TENM4: variants seen among roughly 807,000 people sequenced by gnomAD.
TENM4 encodes the protein teneurin transmembrane protein 4.
TENM4 carries 82 observed loss-of-function variants against 243.3 expected under a neutral mutation model. That is an observed-to-expected ratio of 0.34 (90% CI 0.28 to 0.40). The LOEUF (loss-of-function observed/expected upper bound fraction) is 0.40. TENM4 is among the 10% of genes least tolerant of loss of function. The probability of loss-of-function intolerance (pLI) is 1.00; values close to 1 mark genes in which losing one functional copy is unlikely to be tolerated. For synonymous variants in TENM4, 1,412 were observed against 1,456.3 expected, an observed-to-expected ratio of 0.97 and a Z score of 0.69; for missense variants, 3,138 against 3,673.3, an observed-to-expected ratio of 0.85 and a Z score of 3.77.
chr11:79,326,002 G>C (rs114780595), intron 1 of TENM4, among the ~76,000 whole-genome samples: 1 of 152,154 alleles, frequency 6.6e-6, no homozygotes, highest in Non-Finnish European at 1.5e-5. Flanking sequence ...CTCTGCGTGC[G>C]TCTCCTGTTC....
intron 1 of TENM4, among the ~76,000 whole-genome samples, chr11:79,322,567 G>A (rs567304761): frequency 6.6e-6 from 1 of 152,052 alleles, no homozygotes; most frequent in South Asian, 2.1e-4. Context: ...CAGTTAAAAG[G>A]AATTCTACAC....
chr11:79,291,646 G>C (rs1856359533), intron 2 of TENM4, among the ~76,000 whole-genome samples: 1 of 152,182 alleles, frequency 6.6e-6, no homozygotes. Flanking sequence ...GGCCGAGGGG[G>C]TGGAAGTGGG....
chr11:78,884,733 C>T (rs1475596618), intron 9 of TENM4, among the ~76,000 whole-genome samples: 4 of 152,210 alleles, frequency 2.6e-5, no homozygotes, highest in Non-Finnish European at 5.9e-5. Context: ...GGGAGAATTA[C>T]AGCATACAGG....
At chr11:78,997,904 G>A (rs1858216647) in intron 6 of TENM4, among the ~76,000 whole-genome samples, 1 of 152,160 alleles carries the variant, frequency 6.6e-6, no homozygotes. Flanking sequence ...GCCCTTATAA[G>A]AGGAGGAAAA....
chr11:79,075,433 G>T (rs999230724), intron 4 of TENM4, among the ~76,000 whole-genome samples: 5 of 152,220 alleles, frequency 3.3e-5, no homozygotes, highest in Non-Finnish European at 5.9e-5. Flanking sequence ...ACTCCAAGAG[G>T]CTGAGTTTGT....
chr11:79,150,893 C>T (rs1862495603), intron 3 of TENM4, among the ~76,000 whole-genome samples: 1 of 152,170 alleles, frequency 6.6e-6, no homozygotes, highest in African/African-American at 2.4e-5. Flanking sequence ...TTTTATTCTA[C>T]TTAATCTTCA....
chr11:79,080,300 C>T (rs1043656916), intron 4 of TENM4, among the ~76,000 whole-genome samples: 10 of 152,300 alleles, frequency 6.6e-5, no homozygotes, highest in South Asian at 2.1e-4. Flanking sequence ...TCTTGATCCT[C>T]GAAGAGCCCA....
intron 1 of TENM4, among the ~76,000 whole-genome samples, chr11:79,306,014 T>A (rs1005313790): frequency 6.6e-6 from 1 of 152,234 alleles, no homozygotes; most frequent in African/African-American, 2.4e-5. Flanking sequence ...CTGACTCTGC[T>A]GGCGCAGGGG....
chr11:79,113,417 G>GTGTGTGTT (rs1411158200), intron 4 of TENM4, among the ~76,000 whole-genome samples: 1 of 151,676 alleles, frequency 6.6e-6, no homozygotes, highest in South Asian at 2.1e-4. Context: ...GTGTGTGTGT[G>GTGTGTGTT]TGTTGTGTGT....
intron 4 of TENM4, among the ~76,000 whole-genome samples, chr11:79,132,203 G>A (rs7947067): frequency 0.058 from 8,716 of 151,458 alleles, 846 homozygotes; most frequent in African/African-American, 0.2. Context: ...AAAATGAGCC[G>A]GGCGCGGTGG....
chr11:79,335,330 A>G (rs767563961), intron 1 of TENM4, among the ~76,000 whole-genome samples: 7 of 152,218 alleles, frequency 4.6e-5, no homozygotes, highest in Non-Finnish European at 7.3e-5. Flanking sequence ...GAGAGCCAAT[A>G]GGTCACTTCA....
intron 12 of TENM4, among the ~76,000 whole-genome samples, chr11:78,831,561 G>A (rs1289712716): frequency 6.6e-6 from 1 of 152,246 alleles, no homozygotes; most frequent in Non-Finnish European, 1.5e-5. Flanking sequence ...TATTCTCCAG[G>A]CAGAGAAGGG....
At chr11:79,383,030 G>A (rs188749698) in intron 1 of TENM4, among the ~76,000 whole-genome samples, 1 of 152,186 alleles carries the variant, frequency 6.6e-6, no homozygotes, top group East Asian at 1.9e-4. Context: ...AGTGTGCTGT[G>A]GCTTCTCCAA....
At chr11:78,812,432 A>G (rs1462240657) in intron 13 of TENM4, 116 bp from the exon 14 acceptor site, 2 of 1,178,814 alleles carry the variant, frequency 1.7e-6, no homozygotes, top group Non-Finnish European at 1.2e-6. Context: ...CTGCTCTGCC[A>G]CAAACACCCA....
At chr11:79,179,419 C>T (rs1157760120) in intron 3 of TENM4, among the ~76,000 whole-genome samples, 1 of 152,166 alleles carries the variant, frequency 6.6e-6, no homozygotes, top group Non-Finnish European at 1.5e-5. Context: ...GACAGAGTCC[C>T]AACAAAGTCA....
chr11:79,021,343 T>G (rs1219483435), intron 6 of TENM4, among the ~76,000 whole-genome samples: 1 of 152,222 alleles, frequency 6.6e-6, no homozygotes, highest in Non-Finnish European at 1.5e-5. Context: ...AGTTTCCTAC[T>G]GTTTGGGTTC....
chr11:78,712,861 A>C, intron 25 of TENM4, 147 bp from the exon 26 acceptor site: 1 of 745,288 alleles, frequency 1.3e-6, no homozygotes, highest in East Asian at 2.7e-5. Flanking sequence ...TGGTTCCCCA[A>C]TTTTTCTGAC....
At chr11:78,713,077 G>A (rs567826179) in intron 25 of TENM4, among the ~76,000 whole-genome samples, 2 of 152,260 alleles carry the variant, frequency 1.3e-5, no homozygotes, top group Non-Finnish European at 2.9e-5. Context: ...CTGGTGTCCC[G>A]TTCATTCAAG....
chr11:79,157,827 G>A (rs1194736001), intron 3 of TENM4, among the ~76,000 whole-genome samples: 5 of 152,174 alleles, frequency 3.3e-5, no homozygotes, highest in African/African-American at 1.2e-4. Flanking sequence ...AACTCCAGAA[G>A]GCCTTGGACA....
Sources: allele counts gnomAD v4.1 joint callset (sites outside exome capture counted in the v4.1 genomes callset), GRCh38; gene constraint gnomAD v4.1.1; transcripts MANE v1.5; gene names NCBI Gene and HGNC (gene_info 2026-07-23, HGNC 2026-07-21).